OPN3: variants seen among roughly 807,000 people sequenced by gnomAD.
The protein encoded by OPN3 is opsin 3.
OPN3 carries 29 observed loss-of-function variants against 33.8 expected under a neutral mutation model. The observed-to-expected ratio is 0.86, with a 90% CI of 0.64 to 1.17. OPN3 has a LOEUF of 1.17. Among genes scored for constraint, OPN3 ranks in the 50% most tolerant of loss-of-function variants. The pLI is 0.00. For synonymous variants in OPN3, 216 were observed against 216.1 expected (o/e 1.00, Z 0.00); for missense variants, 437 against 514.1 (o/e 0.85, Z 1.45).
intron 1 of OPN3, chr1:241,634,246 C>T (rs532237518): frequency 2.5e-6 from 4 of 1,613,722 alleles, no homozygotes; most frequent in African/African-American, 1.3e-5. Flanking sequence ...TCAAATGTAC[C>T]AGATAGGTGT....
At chr1:241,609,984 T>C (rs1169233140) in intron 1 of OPN3, among the ~76,000 whole-genome samples, 1 of 152,240 alleles carries the variant, frequency 6.6e-6, no homozygotes, top group Non-Finnish European at 1.5e-5. Flanking sequence ...TATACAACCA[T>C]ATTTAAACTG....
At chr1:241,618,898 C>T (rs1256870187) in intron 1 of OPN3, among the ~76,000 whole-genome samples, 1 of 148,272 alleles carries the variant, frequency 6.7e-6, no homozygotes, top group African/African-American at 2.5e-5. Flanking sequence ...TTCATCTTAT[C>T]TAAGAATTCT....
chr1:241,640,358 C>G lies in OPN3; in HGVS notation c.-104G>C. ...GTTGGGGCTCCGCCGCCTGCTCTAGCCATTGTGCACTGAGGGGCCCGCGCT... is the reference window on the plus strand; with the variant it reads ...GTTGGGGCTCCGCCGCCTGCTCTAGGCATTGTGCACTGAGGGGCCCGCGCT... On this transcript the variant is annotated 5_prime_UTR_variant, in exon 1 of 4. Transcript: ENST00000366554. 2.9e-6 allele frequency: 3 copies of G among 1,034,830 alleles called. No individual in the cohort carries two copies. The highest frequency in any genetic ancestry group is 3.5e-6 in the Non-Finnish European group (3 of 860,166). The allele number at this position is 1,034,830 out of a possible 1,614,324, so 64.1% of individuals were successfully genotyped here.
intron 3 of OPN3, chr1:241,595,774 T>G (rs539823311): frequency 6.6e-6 from 1 of 152,334 alleles, no homozygotes; most frequent in Admixed American, 6.5e-5. Context: ...AAATATTTAT[T>G]TTTTCTATCT....
chr1:241,610,525 A>G (rs186376936), intron 1 of OPN3, among the ~76,000 whole-genome samples: 5 of 152,340 alleles, frequency 3.3e-5, no homozygotes, highest in Admixed American at 2.6e-4. Flanking sequence ...ATATATTTAA[A>G]TGTCTACTCT....
Position 241,640,066 on chromosome 1 carries a change from G to C in OPN3, c.189C>G (p.Leu63=). The change falls in exon 1 of 4, where the codon CTC becomes CTG. Residue 63 remains leucine, a synonymous_variant. Transcript: ENST00000366554. The part of the protein sequence containing the change: ...LLGVGNNLLV[L]VLYYKFQRLR... Reference sequence around the variant, plus strand: ...GCCGCTGGAACTTGTAGTAGAGGACGAGCACCAGCAGGTTGTTGCCGACGC... The same window carrying C: ...GCCGCTGGAACTTGTAGTAGAGGACCAGCACCAGCAGGTTGTTGCCGACGC... 1.2e-6 allele frequency: 2 copies of C among 1,611,812 alleles called. No homozygotes were observed. The highest frequency in any genetic ancestry group is 1.7e-6 in the Non-Finnish European group (2 of 1,179,180).
chr1:241,634,718 G>C (rs1263495588), intron 1 of OPN3: 2 of 1,613,960 alleles, frequency 1.2e-6, no homozygotes, highest in Non-Finnish European at 1.7e-6. Flanking sequence ...TGTAGTGCAA[G>C]ATGATTCTGA....
At chr1:241,621,860 G>A (rs372092308) in intron 1 of OPN3, among the ~76,000 whole-genome samples, 1 of 152,128 alleles carries the variant, frequency 6.6e-6, no homozygotes, top group East Asian at 1.9e-4. Flanking sequence ...AGGGATGTGA[G>A]GTACTATGGG....
intron 1 of OPN3, among the ~76,000 whole-genome samples, chr1:241,604,794 G>A (rs1020622707): frequency 3.9e-5 from 6 of 152,072 alleles, no homozygotes; most frequent in African/African-American, 9.7e-5. Context: ...AGTGGCTCAC[G>A]CCTGTAATCC....
intron 1 of OPN3, among the ~76,000 whole-genome samples, chr1:241,607,633 AAAGGAAGAAAG>A (rs1468081443): frequency 2.0e-5 from 3 of 150,014 alleles, no homozygotes; most frequent in Non-Finnish European, 3.0e-5. Context: ...AGAAAAAGAA[AAAGGAAGAAAG>A]AAGAAAGAAG....
chr1:241,640,182 CCGGCCCCTCAGCGCCCG>C lies in OPN3; in HGVS notation c.56_72del (p.Ala19GlyfsTer96). 1.4e-5 allele frequency: 20 copies of C among 1,403,544 alleles called. No homozygotes were observed. Among genetic ancestry groups the C allele is most frequent in the Non-Finnish European group, 1.8e-5 (20 of 1,083,882 alleles). The allele number at this position is 1,403,544 out of a possible 1,614,324, so 86.9% of individuals were successfully genotyped here. A position where few individuals can be genotyped will look rare whatever the true frequency, so the allele number is the denominator to read the frequency against. On this transcript the variant is annotated frameshift_variant, in exon 1 of 4. Coordinates refer to ENST00000366554, the MANE Select transcript of OPN3 (RefSeq NM_014322.3). LOFTEE classifies it high-confidence loss of function. ...GCGGGGCTCAGTGTCCCCGCCGGCG[CCGGCCCCTCAGCGCCCG>C]CGGCCCCGCCGCCGTCCCAGTAGCC...
chr1:241,631,576 C>G (rs1664635078), intron 1 of OPN3: 1 of 152,068 alleles, frequency 6.6e-6, no homozygotes, highest in South Asian at 2.1e-4. Flanking sequence ...TTAAATCTGT[C>G]TAGTCTCATT....
intron 1 of OPN3, among the ~76,000 whole-genome samples, chr1:241,610,005 A>AT (rs1490299398): frequency 6.6e-6 from 1 of 152,186 alleles, no homozygotes; most frequent in Non-Finnish European, 1.5e-5. Context: ...TGACATCTAC[A>AT]TTTTTTGTCT....
intron 3 of OPN3, 131 bp downstream of exon 3, chr1:241,597,615 C>T: frequency 7.5e-6 from 6 of 794,708 alleles, no homozygotes; most frequent in South Asian, 5.4e-5. Flanking sequence ...CTTCCAGATC[C>T]CTTTAATTCC....
chr1:241,594,825 G>T, intron 3 of OPN3, 134 bp from the exon 4 acceptor site: 1 of 945,934 alleles, frequency 1.1e-6, no homozygotes, highest in Non-Finnish European at 1.6e-6. Flanking sequence ...GGGGTTATGT[G>T]GTCATGCTCA....
chr1:241,609,561 C>T (rs1331004166), intron 1 of OPN3, among the ~76,000 whole-genome samples: 1 of 152,204 alleles, frequency 6.6e-6, no homozygotes, highest in Non-Finnish European at 1.5e-5. Context: ...TGGTCCTACC[C>T]TCAAGAAGAC....
intron 1 of OPN3, among the ~76,000 whole-genome samples, chr1:241,637,887 G>T (rs1664960302): frequency 6.6e-6 from 1 of 152,116 alleles, no homozygotes; most frequent in African/African-American, 2.4e-5. Flanking sequence ...GCATCAAGAA[G>T]CTACTTCCCT....
At chr1:241,631,429 T>C (rs1664628937) in intron 1 of OPN3, 1 of 152,108 alleles carries the variant, frequency 6.6e-6, no homozygotes. Flanking sequence ...TAATTACTAT[T>C]TTATAGGTCT....
At chr1:241,607,575 GAAAA>G (rs1314029308) in intron 1 of OPN3, among the ~76,000 whole-genome samples, 4 of 110,234 alleles carry the variant, frequency 3.6e-5, no homozygotes, top group East Asian at 4.2e-4. Context: ...AAGAAAGAAA[GAAAA>G]GAAAGAAAGA....
Sources: gnomAD v4.1 joint callset for allele counts (sites outside exome capture counted in the v4.1 genomes callset) on GRCh38, gnomAD v4.1.1 for gene constraint, MANE v1.5 for transcripts, NCBI Gene and HGNC (gene_info 2026-07-23, HGNC 2026-07-21) for gene names.